The following FNBP1 variants were observed in gnomAD, a reference collection of about 807,000 sequenced individuals.
The protein encoded by FNBP1 is formin binding protein 1.
FNBP1 carries 26 observed loss-of-function variants against 90.6 expected under a neutral mutation model. The observed-to-expected ratio is 0.29, with a 90% CI of 0.21 to 0.40. The LOEUF (loss-of-function observed/expected upper bound fraction) is 0.40. Among genes scored for constraint, FNBP1 ranks in the 10% least tolerant of loss-of-function variants. The probability of loss-of-function intolerance (pLI) is 1.00; values close to 1 mark genes in which losing one functional copy is unlikely to be tolerated. For missense variants in FNBP1, 635 were observed against 768.0 expected (o/e 0.83, Z 2.05); for synonymous variants, 260 against 265.2 (o/e 0.98, Z 0.19).
chr9:129,905,920 G>A (rs922741078), intron 12 of FNBP1, among the ~76,000 whole-genome samples: 1 of 138,840 alleles, frequency 7.2e-6, no homozygotes, highest in Non-Finnish European at 1.5e-5. Context: ...TTTTGCTCTT[G>A]TTGCCTAGGC....
chr9:129,947,396 C>T (rs113550758), intron 6 of FNBP1, among the ~76,000 whole-genome samples: 14,137 of 148,060 alleles, frequency 0.095, 745 homozygotes, highest in African/African-American at 0.16. Flanking sequence ...GCAGAGATCG[C>T]GCCATTGCAC....
At chr9:130,043,651 G>A (rs2060013880), upstream of FNBP1, among the ~76,000 whole-genome samples, 2 of 152,252 alleles carry the variant, frequency 1.3e-5, no homozygotes, top group Admixed American at 6.5e-5. Flanking sequence ...CCCGCAGGCT[G>A]GCGCGGTGGG....
At position 129,966,719 on chromosome 9, in the gene FNBP1, C is replaced by T. The variant is rs922231777; in HGVS notation, c.346-8166G>A. 2.0e-5 allele frequency among the ~76,000 whole-genome samples: 3 copies of T among 150,028 alleles called. No homozygotes were observed. The highest frequency in any genetic ancestry group is 4.9e-5 in the African/African-American group (2 of 40,626). On this transcript the variant is annotated intron_variant, in intron 4 of 16. Transcript: ENST00000446176. The surrounding 1 kb of genome is among the most constrained non-coding windows in gnomAD (Gnocchi z 4.3). Reference sequence around the variant, plus strand: ...TGCATTCCAAGTCTGGGTGATGGAGCGAGACTCCGTCTAAACAACAACAAC... The same window carrying T: ...TGCATTCCAAGTCTGGGTGATGGAGTGAGACTCCGTCTAAACAACAACAAC...
At chr9:129,997,745 A>G (rs1307292747) in intron 1 of FNBP1, among the ~76,000 whole-genome samples, 3 of 152,172 alleles carry the variant, frequency 2.0e-5, no homozygotes, top group Non-Finnish European at 2.9e-5. Flanking sequence ...GCTACTAGGG[A>G]GGCTGAAGCA....
At chr9:129,995,536 GT>G (rs1439360055) in intron 1 of FNBP1, among the ~76,000 whole-genome samples, 1 of 152,140 alleles carries the variant, frequency 6.6e-6, no homozygotes, top group Non-Finnish European at 1.5e-5. Flanking sequence ...GTGCCTTGGG[GT>G]TTCTGGTCTG....
intron 1 of FNBP1, among the ~76,000 whole-genome samples, chr9:129,999,124 G>C (rs1266745673): frequency 6.6e-6 from 1 of 151,992 alleles, no homozygotes; most frequent in Non-Finnish European, 1.5e-5. Context: ...CTAAAATGTG[G>C]AAAAGTTAAT....
chr9:130,037,166 G>A (rs1166266768), intron 1 of FNBP1, among the ~76,000 whole-genome samples: 1 of 151,966 alleles, frequency 6.6e-6, no homozygotes, highest in Non-Finnish European at 1.5e-5. Flanking sequence ...AGACCAGCCT[G>A]GTCAACGTGG....
intron 11 of FNBP1, chr9:129,914,830 G>A (rs559889177): frequency 1.2e-4 from 36 of 310,164 alleles, no homozygotes; most frequent in African/African-American, 8.1e-4. Flanking sequence ...TATCAATAGT[G>A]TGCTTATAGT....
the FNBP1 span, among the ~76,000 whole-genome samples, chr9:130,053,044 A>C: frequency 6.6e-6 from 1 of 152,170 alleles, no homozygotes; most frequent in African/African-American, 2.4e-5. Context: ...TGAACCCAGA[A>C]GGCGGAGGTT....
intron 2 of FNBP1, among the ~76,000 whole-genome samples, chr9:129,990,980 C>G (rs190524081): frequency 3.5e-5 from 5 of 144,490 alleles, no homozygotes; most frequent in Non-Finnish European, 7.4e-5. Flanking sequence ...GTCACCCAGG[C>G]TGGAGTGCAG....
At chr9:130,038,460 C>G (rs1315417477) in intron 1 of FNBP1, among the ~76,000 whole-genome samples, 1 of 147,672 alleles carries the variant, frequency 6.8e-6, no homozygotes, top group East Asian at 2.1e-4. Context: ...TGCAATGGCG[C>G]CATCTCGGCT....
At chr9:129,968,170 A>T (rs1054682785) in intron 4 of FNBP1, among the ~76,000 whole-genome samples, 1 of 152,100 alleles carries the variant, frequency 6.6e-6, no homozygotes, top group Non-Finnish European at 1.5e-5. Context: ...CGAGGCAGGC[A>T]GATCACCTGA....
intron 2 of FNBP1, among the ~76,000 whole-genome samples, chr9:129,986,199 A>C (rs564711178): frequency 2.0e-5 from 3 of 152,204 alleles, no homozygotes; most frequent in African/African-American, 7.2e-5. Flanking sequence ...CAGAAGCAAA[A>C]GAAAAATCCA....
intron 6 of FNBP1, among the ~76,000 whole-genome samples, chr9:129,952,428 G>A (rs1423889539): frequency 6.6e-6 from 1 of 152,006 alleles, no homozygotes; most frequent in African/African-American, 2.4e-5. Context: ...AACCTGGGAG[G>A]TGGAGGTTGA....
intron 1 of FNBP1, among the ~76,000 whole-genome samples, chr9:130,011,034 G>C (rs1295653412): frequency 2.0e-5 from 3 of 150,394 alleles, no homozygotes; most frequent in Non-Finnish European, 4.4e-5. Context: ...ACAGACAGCA[G>C]AGATGGAAGG....
At chr9:129,898,474 C>T (rs1317477160) in intron 15 of FNBP1, among the ~76,000 whole-genome samples, 1 of 152,042 alleles carries the variant, frequency 6.6e-6, no homozygotes, top group African/African-American at 2.4e-5. Flanking sequence ...TATCCCTCTT[C>T]TGGCAAACAC....
chr9:130,005,090 G>A (rs1228211824), intron 1 of FNBP1, among the ~76,000 whole-genome samples: 1 of 137,820 alleles, frequency 7.3e-6, no homozygotes, highest in Non-Finnish European at 1.6e-5. Flanking sequence ...AAAAAAAAAG[G>A]CTGGGCATGA....
chr9:129,977,495 T>C (rs965538782), intron 4 of FNBP1, among the ~76,000 whole-genome samples: 5 of 151,636 alleles, frequency 3.3e-5, no homozygotes, highest in Non-Finnish European at 7.4e-5. Flanking sequence ...TTTTTTTTTT[T>C]TTTTTTTCTT....
At chr9:129,981,380 G>A (rs1435881701) in intron 2 of FNBP1, among the ~76,000 whole-genome samples, 13 of 152,092 alleles carry the variant, frequency 8.5e-5, no homozygotes, top group Admixed American at 3.9e-4. Flanking sequence ...AAGAAATAGC[G>A]AGAGCATGCT....
Sources: gnomAD v4.1 joint callset for allele counts (sites outside exome capture counted in the v4.1 genomes callset) on GRCh38, gnomAD v4.1.1 for gene constraint, Gnocchi (gnomAD v3.1) non-coding constraint, MANE v1.5 for transcripts, NCBI Gene and HGNC (gene_info 2026-07-23, HGNC 2026-07-21) for gene names.